NLGN1: variants seen among roughly 807,000 people sequenced by gnomAD.
The protein encoded by NLGN1 is neuroligin-1.
A neutral mutation model predicts 65.5 loss-of-function variants in NLGN1; 12 were observed. The ratio of observed to expected loss-of-function variants is 0.18; its 90% CI spans 0.12 to 0.30. NLGN1 has a LOEUF of 0.30. NLGN1 is among the 10% of genes least tolerant of loss of function. The probability of loss-of-function intolerance (pLI) is 1.00; values close to 1 mark genes in which losing one functional copy is unlikely to be tolerated. For missense variants in NLGN1, 750 were observed against 1,007.1 expected (o/e 0.74, Z 3.46); for synonymous variants, 350 against 359.5 (o/e 0.97, Z 0.30).
At chr3:173,818,593 G>A (rs763528428) in intron 4 of NLGN1, among the ~76,000 whole-genome samples, 2 of 152,136 alleles carry the variant, frequency 1.3e-5, no homozygotes, top group Non-Finnish European at 2.9e-5. Flanking sequence ...AAACTGGTTT[G>A]TAAAATAGAA....
At chr3:173,624,083 A>G (rs1336068646) in intron 3 of NLGN1, among the ~76,000 whole-genome samples, 2 of 152,094 alleles carry the variant, frequency 1.3e-5, no homozygotes, top group African/African-American at 2.4e-5. Context: ...AGCTGTTGAT[A>G]GAGTTCTTGA....
intron 1 of NLGN1, among the ~76,000 whole-genome samples, chr3:173,408,268 A>ATTT (rs1711697525): frequency 6.6e-6 from 1 of 152,140 alleles, no homozygotes; most frequent in African/African-American, 2.4e-5. Flanking sequence ...AGATTTGATG[A>ATTT]TTGCAAGACA....
chr3:173,467,570 A>T (rs556256646), intron 2 of NLGN1, among the ~76,000 whole-genome samples: 1 of 152,254 alleles, frequency 6.6e-6, no homozygotes, highest in East Asian at 1.9e-4. Flanking sequence ...ATTCCTTGTC[A>T]TCAGCAGACA....
intron 3 of NLGN1, among the ~76,000 whole-genome samples, chr3:173,623,086 G>A (rs527735032): frequency 1.3e-5 from 2 of 152,160 alleles, no homozygotes; most frequent in African/African-American, 2.4e-5. Context: ...AGCCAGCACC[G>A]TGTTTTTTTT....
At chr3:174,033,601 G>T (rs1056248416) in intron 4 of NLGN1, among the ~76,000 whole-genome samples, 23 of 151,920 alleles carry the variant, frequency 1.5e-4, no homozygotes, top group Non-Finnish European at 7.4e-5. Context: ...AAGCAGAGAA[G>T]TGAAATCTCT....
At chr3:174,058,897 A>G (rs1736774879) in intron 4 of NLGN1, among the ~76,000 whole-genome samples, 2 of 152,240 alleles carry the variant, frequency 1.3e-5, no homozygotes, top group Admixed American at 6.5e-5. Flanking sequence ...AAGGTTCAGC[A>G]TTTCCTTGGG....
intron 4 of NLGN1, among the ~76,000 whole-genome samples, chr3:174,263,814 G>T (rs1747444655): frequency 6.6e-6 from 1 of 151,504 alleles, no homozygotes; most frequent in African/African-American, 2.4e-5. Flanking sequence ...TTTTGCAGCG[G>T]CTGGTACCGG....
intron 4 of NLGN1, among the ~76,000 whole-genome samples, chr3:174,165,389 T>G (rs1727312577): frequency 6.6e-6 from 1 of 152,044 alleles, no homozygotes; most frequent in Admixed American, 6.6e-5. Flanking sequence ...GCCTAGTTTC[T>G]TGAGGGTTTT....
At chr3:173,738,805 T>C (rs1262705622) in intron 3 of NLGN1, among the ~76,000 whole-genome samples, 1 of 152,068 alleles carries the variant, frequency 6.6e-6, no homozygotes, top group African/African-American at 2.4e-5. Context: ...TTAAAATGTG[T>C]TGAATCTGTA....
chr3:173,473,722 C>T (rs1485730460), intron 2 of NLGN1, among the ~76,000 whole-genome samples: 1 of 152,124 alleles, frequency 6.6e-6, no homozygotes. Context: ...GCAGTAATTT[C>T]TGGTGTATTT....
chr3:173,965,498 A>C (rs1476361930), intron 4 of NLGN1, among the ~76,000 whole-genome samples: 7 of 129,760 alleles, frequency 5.4e-5, no homozygotes, highest in Non-Finnish European at 1.2e-4. Context: ...TTTTTTTTTT[A>C]AGTAGAGACA....
At chr3:173,627,139 A>G (rs988167430) in intron 3 of NLGN1, among the ~76,000 whole-genome samples, 3 of 152,064 alleles carry the variant, frequency 2.0e-5, no homozygotes, top group African/African-American at 7.2e-5. Flanking sequence ...TTATTGAGGT[A>G]TAATTGACAA....
chr3:174,066,522 C>G (rs902298648), intron 4 of NLGN1, among the ~76,000 whole-genome samples: 1 of 79,034 alleles, frequency 1.3e-5, no homozygotes. Flanking sequence ...ACAAGTCTCT[C>G]TCTCTCTCTC....
chr3:173,534,665 CAA>C (rs928571265), intron 2 of NLGN1, among the ~76,000 whole-genome samples: 1 of 152,138 alleles, frequency 6.6e-6, no homozygotes, highest in Non-Finnish European at 1.5e-5. Context: ...TTCTTTATCT[CAA>C]TTTAAATGTC....
At chr3:173,484,282 A>C (rs941578603) in intron 2 of NLGN1, among the ~76,000 whole-genome samples, 6 of 143,282 alleles carry the variant, frequency 4.2e-5, no homozygotes, top group Non-Finnish European at 8.8e-5. Context: ...ATCACATCCA[A>C]ATGGATTTAA....
intron 4 of NLGN1, among the ~76,000 whole-genome samples, chr3:174,091,215 G>T (rs567469598): frequency 2.0e-5 from 3 of 152,110 alleles, no homozygotes; most frequent in Non-Finnish European, 4.4e-5. Context: ...TTCAACATTG[G>T]TCATCTCCAG....
At chr3:173,809,044 C>A (rs1487828038) in intron 4 of NLGN1, among the ~76,000 whole-genome samples, 4 of 152,096 alleles carry the variant, frequency 2.6e-5, no homozygotes, top group Non-Finnish European at 5.9e-5. Context: ...AAGTCTCAGT[C>A]ATTTTCTAGT....
chr3:173,421,401 G>C (rs979954652), intron 1 of NLGN1, among the ~76,000 whole-genome samples: 3 of 151,752 alleles, frequency 2.0e-5, no homozygotes, highest in Non-Finnish European at 4.4e-5. Flanking sequence ...TCAAAATTAG[G>C]AATTAACATT....
intron 4 of NLGN1, among the ~76,000 whole-genome samples, chr3:173,881,201 C>T (rs1245131078): frequency 3.4e-5 from 5 of 148,676 alleles, no homozygotes; most frequent in East Asian, 4.0e-4. Flanking sequence ...TGGGTTCAGG[C>T]GATTCTCCTG....
Sources: allele counts gnomAD v4.1 joint callset (sites outside exome capture counted in the v4.1 genomes callset), GRCh38; gene constraint gnomAD v4.1.1; transcripts MANE v1.5; gene names NCBI Gene and HGNC (gene_info 2026-07-23, HGNC 2026-07-21).